GLIS3: variants seen among roughly 807,000 people sequenced by gnomAD.
GLIS3 encodes zinc finger protein GLIS3.
Under a neutral mutation model 78.6 loss-of-function variants are expected in GLIS3, and 53 were observed. The ratio of observed to expected loss-of-function variants is 0.67; its 90% CI spans 0.54 to 0.85. The LOEUF is 0.85. Among genes scored for constraint, GLIS3 ranks in the 40% least tolerant of loss-of-function variants. The probability of loss-of-function intolerance (pLI) is 0.00; values close to 1 mark genes in which losing one functional copy is unlikely to be tolerated. For synonymous variants in GLIS3, 684 were observed against 509.9 expected (o/e 1.34, Z -4.60); for missense variants, 1,703 against 1,231.1 (o/e 1.38, Z -5.74).
intron 2 of GLIS3, among the ~76,000 whole-genome samples, chr9:4,231,664 A>C (rs1822265321): frequency 6.6e-6 from 1 of 152,236 alleles, no homozygotes; most frequent in Admixed American, 6.5e-5. Context: ...AAGGCCAACA[A>C]TGTAAAAATC....
In GLIS3 at chr9:3,856,151, G is replaced by C; in HGVS notation, c.2331C>G (p.Ile777Met). 1.2e-6 allele frequency: 2 copies of C among 1,614,126 alleles called. No homozygotes were observed. The highest frequency in any genetic ancestry group is 1.7e-6 in the Non-Finnish European group (2 of 1,179,994). Residue 777 changes from isoleucine to methionine, a missense_variant, in exon 9 of 11, where the codon ATC (isoleucine) becomes ATG (methionine). Ile to Met is a conservative substitution (Grantham distance 10). Coordinates refer to ENST00000381971, the MANE Select transcript of GLIS3 (RefSeq NM_001042413.2). ...FAPSAPSPHHISPRRVPAPSS... is the reference protein window; with the variant it reads ...FAPSAPSPHHMSPRRVPAPSS... ...AAGGAGCTGGAACTCTCCGGGGGCT[G>C]ATGTGGTGAGGAGATGGAGCAGAAG...
chr9:4,125,096 T>C (rs770630562), intron 3 of GLIS3, among the ~76,000 whole-genome samples: 28 of 152,224 alleles, frequency 1.8e-4, no homozygotes, highest in Non-Finnish European at 3.5e-4. Context: ...TTATAGTACC[T>C]ACTTACTATG....
intron 2 of GLIS3, among the ~76,000 whole-genome samples, chr9:4,256,666 TA>T (rs972647075): frequency 3.2e-4 from 48 of 152,298 alleles, no homozygotes; most frequent in African/African-American, 1.2e-3. Flanking sequence ...CAATTCACAT[TA>T]AAATTCACTT....
chr9:4,428,806 G>A, the GLIS3 span, among the ~76,000 whole-genome samples: 1 of 152,254 alleles, frequency 6.6e-6, no homozygotes, highest in African/African-American at 2.4e-5. Flanking sequence ...GGCACTTTTA[G>A]CTAAAAGGGA....
intron 4 of GLIS3, among the ~76,000 whole-genome samples, chr9:4,113,999 A>C (rs1347842050): frequency 7.1e-6 from 1 of 141,814 alleles, no homozygotes; most frequent in Admixed American, 7.4e-5. Context: ...CAGGAAAAAT[A>C]AACAAAATTT....
chr9:4,330,403 T>C (rs1181895063), intron 2 of GLIS3, among the ~76,000 whole-genome samples: 1 of 152,240 alleles, frequency 6.6e-6, no homozygotes, highest in Non-Finnish European at 1.5e-5. Flanking sequence ...GCTGATGCTA[T>C]TGGTCCAAGG....
the GLIS3 span, among the ~76,000 whole-genome samples, chr9:4,358,740 G>T: frequency 6.6e-6 from 1 of 152,210 alleles, no homozygotes; most frequent in African/African-American, 2.4e-5. Context: ...ATGTGTTTAT[G>T]TGTGTACATA....
At chr9:4,423,489 G>GA in the GLIS3 span, among the ~76,000 whole-genome samples, 2 of 151,892 alleles carry the variant, frequency 1.3e-5, no homozygotes, top group African/African-American at 4.8e-5. Flanking sequence ...CTTTCCCAAT[G>GA]AAAAATGACA....
At chr9:3,869,304 G>A (rs888344091) in intron 8 of GLIS3, among the ~76,000 whole-genome samples, 3 of 149,648 alleles carry the variant, frequency 2.0e-5, no homozygotes, top group Admixed American at 2.0e-4. Flanking sequence ...TAAAAGCTGA[G>A]TGGTTTAAGA....
intron 9 of GLIS3, among the ~76,000 whole-genome samples, chr9:3,841,291 C>G (rs1818699366): frequency 1.3e-5 from 2 of 152,088 alleles, no homozygotes; most frequent in Non-Finnish European, 2.9e-5. Flanking sequence ...TCAGTGAGTC[C>G]TGATGGTGAT....
At chr9:4,411,775 C>A in the GLIS3 span, among the ~76,000 whole-genome samples, 26 of 152,344 alleles carry the variant, frequency 1.7e-4, no homozygotes, top group African/African-American at 5.8e-4. Context: ...CCACCACAGT[C>A]TTATGCCGAA....
intron 2 of GLIS3, among the ~76,000 whole-genome samples, chr9:4,130,043 C>T (rs1832859246): frequency 2.0e-5 from 3 of 152,192 alleles, no homozygotes; most frequent in African/African-American, 7.2e-5. Context: ...TGTGCCCCTG[C>T]TCTCGGGATC....
chr9:3,976,114 A>T (rs1818764754), intron 4 of GLIS3, among the ~76,000 whole-genome samples: 1 of 151,646 alleles, frequency 6.6e-6, no homozygotes, highest in Non-Finnish European at 1.5e-5. Flanking sequence ...TGGTTTCTTT[A>T]AAAAAATATT....
chr9:4,124,953 T>C (rs11791741), intron 3 of GLIS3, among the ~76,000 whole-genome samples: 56,057 of 152,094 alleles, frequency 0.37, 10,724 homozygotes, highest in South Asian at 0.41. Flanking sequence ...ACACAGACCT[T>C]AAACACTGTA....
chr9:4,199,272 T>C (rs375223453), intron 2 of GLIS3, among the ~76,000 whole-genome samples: 190 of 152,168 alleles, frequency 1.2e-3, no homozygotes, highest in African/African-American at 3.6e-3. Context: ...GAGTGGCAAG[T>C]TGGATGAAAA....
intron 2 of GLIS3, among the ~76,000 whole-genome samples, chr9:4,161,896 G>C (rs1319021538): frequency 2.6e-5 from 4 of 151,410 alleles, no homozygotes; most frequent in East Asian, 1.9e-4. Context: ...ATGTTGGTCA[G>C]GCTGGTCTCA....
the GLIS3 span, among the ~76,000 whole-genome samples, chr9:4,371,030 A>G: frequency 6.6e-6 from 1 of 152,254 alleles, no homozygotes; most frequent in Non-Finnish European, 1.5e-5. Context: ...TGGGTTGGGT[A>G]GAATTATACT....
intron 4 of GLIS3, among the ~76,000 whole-genome samples, chr9:4,082,571 C>G (rs12683029): frequency 0.035 from 5,387 of 152,220 alleles, 433 homozygotes; most frequent in East Asian, 0.23. Context: ...ATTTATTACA[C>G]GAAGCTGAAA....
At chr9:4,183,014 G>A (rs1382175044) in intron 2 of GLIS3, among the ~76,000 whole-genome samples, 1 of 152,216 alleles carries the variant, frequency 6.6e-6, no homozygotes, top group African/African-American at 2.4e-5. Context: ...CGCAGTGAAG[G>A]ATGGTTATGG....
Sources: gnomAD v4.1 joint callset for allele counts (sites outside exome capture counted in the v4.1 genomes callset) on GRCh38, gnomAD v4.1.1 for gene constraint, MANE v1.5 for transcripts, NCBI Gene and HGNC (gene_info 2026-07-23, HGNC 2026-07-21) for gene names.